L3MBTL3: variants seen among roughly 807,000 people sequenced by gnomAD.
The protein encoded by L3MBTL3 is lethal(3)malignant brain tumor-like protein 3.
L3MBTL3 carries 27 observed loss-of-function variants against 102.3 expected under a neutral mutation model. The observed-to-expected ratio is 0.26, with a 90% CI of 0.19 to 0.36. The LOEUF is 0.36. L3MBTL3 is among the 10% of genes least tolerant of loss of function. L3MBTL3 has a pLI of 1.00. For synonymous variants in L3MBTL3, 340 were observed against 320.9 expected, an observed-to-expected ratio of 1.06 and a Z score of -0.64; for missense variants, 798 against 955.3, an observed-to-expected ratio of 0.84 and a Z score of 2.17.
At chr6:130,034,431 A>G (rs1584288438) in intron 2 of L3MBTL3, among the ~76,000 whole-genome samples, 1 of 152,208 alleles carries the variant, frequency 6.6e-6, no homozygotes, top group Admixed American at 6.5e-5. Context: ...TGTCTGGAGT[A>G]CTTATTGAAA....
chr6:130,069,531 A>G (rs1403094169), intron 12 of L3MBTL3, among the ~76,000 whole-genome samples: 1 of 152,242 alleles, frequency 6.6e-6, no homozygotes, highest in African/African-American at 2.4e-5. Flanking sequence ...TTAATGGGCC[A>G]GCTTATTATT....
chr6:130,035,836 A>G (rs1474445783), intron 2 of L3MBTL3, among the ~76,000 whole-genome samples: 1 of 152,246 alleles, frequency 6.6e-6, no homozygotes, highest in African/African-American at 2.4e-5. Flanking sequence ...GTCTGGTAGC[A>G]CAGAGGACCC....
rs1413370748 is a variant in L3MBTL3, at chr6:130,046,972, A to G, written c.103-2310A>G. On this transcript the variant is annotated intron_variant, in intron 3 of 22. Coordinates refer to ENST00000361794, the MANE Select transcript of L3MBTL3 (RefSeq NM_032438.4). ...CTATCATAGCAATGTTGTGGAAGAC[A>G]CAGTAAGCCCAAATTGAGAAATCAG... 7.2e-5 allele frequency among the ~76,000 whole-genome samples: 11 copies of G among 152,370 alleles called. No individual in the cohort carries two copies. In the East Asian group the frequency reaches 2.1e-3, roughly 29 times the overall value.
intron 20 of L3MBTL3, among the ~76,000 whole-genome samples, chr6:130,124,994 T>C (rs555731322): frequency 6.6e-6 from 1 of 151,520 alleles, no homozygotes; most frequent in East Asian, 2.0e-4. Flanking sequence ...TAAAATAAAA[T>C]ACTTAACAGC....
chr6:130,037,129 A>C (rs890964214), intron 2 of L3MBTL3, among the ~76,000 whole-genome samples: 1 of 152,246 alleles, frequency 6.6e-6, no homozygotes, highest in South Asian at 2.1e-4. Context: ...GATTGAATCA[A>C]ACTTACAAAA....
intron 7 of L3MBTL3, among the ~76,000 whole-genome samples, chr6:130,053,368 G>T (rs1476738538): frequency 6.6e-6 from 1 of 152,180 alleles, no homozygotes; most frequent in Non-Finnish European, 1.5e-5. Context: ...GGGCGTGGTG[G>T]CTCATGCCTG....
chr6:130,051,100 G>A (rs564620373), intron 5 of L3MBTL3, 149 bp from the exon 6 acceptor site: 21 of 592,012 alleles, frequency 3.5e-5, no homozygotes, highest in African/African-American at 9.4e-5. Context: ...CATACCCCCC[G>A]AAAACACTAT....
chr6:130,087,470 T>C (rs1783760942), intron 16 of L3MBTL3, among the ~76,000 whole-genome samples: 2 of 152,080 alleles, frequency 1.3e-5, no homozygotes, highest in African/African-American at 2.4e-5. Context: ...ATCAGATTGC[T>C]CAGAATTGAA....
At chr6:130,058,286 A>G (rs1237506417) in intron 9 of L3MBTL3, among the ~76,000 whole-genome samples, 2 of 152,198 alleles carry the variant, frequency 1.3e-5, no homozygotes, top group East Asian at 3.8e-4. Flanking sequence ...AAATCAGTTA[A>G]CAATATAGAT....
At chr6:130,080,156 A>G (rs573767516) in intron 14 of L3MBTL3, among the ~76,000 whole-genome samples, 1 of 152,008 alleles carries the variant, frequency 6.6e-6, no homozygotes, top group Non-Finnish European at 1.5e-5. Flanking sequence ...TGTGAGACTG[A>G]GGCAGGAGGA....
intron 18 of L3MBTL3, among the ~76,000 whole-genome samples, chr6:130,097,777 T>G (rs1784445812): frequency 6.6e-6 from 1 of 152,084 alleles, no homozygotes; most frequent in African/African-American, 2.4e-5. Context: ...TATATAAAAG[T>G]AGACATTTGG....
At chr6:130,115,799 TATTGA>T (rs549179421) in intron 19 of L3MBTL3, among the ~76,000 whole-genome samples, 2 of 152,206 alleles carry the variant, frequency 1.3e-5, no homozygotes, top group African/African-American at 4.8e-5. Context: ...AACTGAAATG[TATTGA>T]ATTGAATTGA....
intron 13 of L3MBTL3, 22 bp downstream of exon 13, chr6:130,071,149 G>T (rs753084276): frequency 6.3e-7 from 1 of 1,595,360 alleles, no homozygotes; most frequent in Non-Finnish European, 8.5e-7. Flanking sequence ...TCTGTTGTGT[G>T]CTTTTAAAAA....
chr6:130,076,923 A>G (rs1782990608), intron 13 of L3MBTL3, among the ~76,000 whole-genome samples: 1 of 152,154 alleles, frequency 6.6e-6, no homozygotes, highest in Non-Finnish European at 1.5e-5. Context: ...TAAACTTTAT[A>G]TTAGATTCAG....
chr6:130,072,860 G>A (rs1248657542), intron 13 of L3MBTL3, among the ~76,000 whole-genome samples: 4 of 151,982 alleles, frequency 2.6e-5, no homozygotes, highest in African/African-American at 7.3e-5. Context: ...TAGCTTGATG[G>A]TTTTAGGTCC....
chr6:130,109,607 A>G (rs1382808265), intron 19 of L3MBTL3, among the ~76,000 whole-genome samples: 3 of 151,902 alleles, frequency 2.0e-5, no homozygotes, highest in Non-Finnish European at 4.4e-5. Context: ...TGGATCTTAG[A>G]CCTTTGTCAG....
At chr6:130,063,923 C>T (rs1391965952) in intron 10 of L3MBTL3, among the ~76,000 whole-genome samples, 1 of 152,200 alleles carries the variant, frequency 6.6e-6, no homozygotes, top group Non-Finnish European at 1.5e-5. Context: ...TTGACTTCAG[C>T]TGGGAACATG....
chr6:130,112,600 C>G (rs1206504663), intron 19 of L3MBTL3, among the ~76,000 whole-genome samples: 2 of 152,144 alleles, frequency 1.3e-5, no homozygotes, highest in African/African-American at 4.8e-5. Flanking sequence ...ATGGATGAGG[C>G]TGCCTACCAG....
At chr6:130,076,111 G>C (rs916538946) in intron 13 of L3MBTL3, among the ~76,000 whole-genome samples, 17 of 152,182 alleles carry the variant, frequency 1.1e-4, no homozygotes, top group African/African-American at 4.1e-4. Flanking sequence ...AGCCAGGAGA[G>C]TTGGGTACTG....
Sources: allele counts gnomAD v4.1 joint callset (sites outside exome capture counted in the v4.1 genomes callset), GRCh38; gene constraint gnomAD v4.1.1; transcripts MANE v1.5; gene names NCBI Gene and HGNC (gene_info 2026-07-23, HGNC 2026-07-21).